The following ARHGAP35 variants were observed in gnomAD, a reference collection of about 807,000 sequenced individuals.
The protein encoded by ARHGAP35 is Rho GTPase activating protein 35.
In ARHGAP35, 15 loss-of-function variants were observed where a neutral mutation model predicts 111.1. The ratio of observed to expected loss-of-function variants is 0.13; its 90% CI spans 0.09 to 0.21. The LOEUF (loss-of-function observed/expected upper bound fraction) is 0.21, where lower values mean the gene tolerates loss of function less well. Ranked by LOEUF, ARHGAP35 falls within the 10% of genes least tolerant of loss-of-function variation. The pLI is 1.00. For missense variants in ARHGAP35, 1,262 were observed against 1,873.0 expected, an observed-to-expected ratio of 0.67 and a Z score of 6.02; for synonymous variants, 643 against 710.3, an observed-to-expected ratio of 0.91 and a Z score of 1.51.
At chr19:46,894,639 T>G (rs1258797702) in intron 1 of ARHGAP35, among the ~76,000 whole-genome samples, 4 of 151,986 alleles carry the variant, frequency 2.6e-5, no homozygotes, top group Admixed American at 2.0e-4. Flanking sequence ...GGAGATGGGA[T>G]TTCACCATGT....
Position 46,992,531 on chromosome 19 carries a change from C to G in ARHGAP35, c.4036+2856C>G, listed in dbSNP as rs2056684789. 6.6e-6 allele frequency among the ~76,000 whole-genome samples: 1 copy of G among 152,040 alleles called. No homozygotes were observed. Among genetic ancestry groups the G allele is most frequent in the Non-Finnish European group, 1.5e-5 (1 of 68,008 alleles). On this transcript the variant is annotated intron_variant, in intron 5 of 6. Coordinates refer to ENST00000672722, the MANE Select transcript of ARHGAP35 (RefSeq NM_004491.5). This position sits in a 1 kb window ranked among gnomAD's most constrained non-coding sequence, Gnocchi z 4.4. Reference sequence around the variant, plus strand: ...GAGTCGCTCTTGCCTGGTTTCTCCCCGTCTCTGTGACTCCCTCCTCCCTGC... The same window carrying G: ...GAGTCGCTCTTGCCTGGTTTCTCCCGGTCTCTGTGACTCCCTCCTCCCTGC...
At chr19:46,872,745 G>A (rs2055894416) in intron 1 of ARHGAP35, among the ~76,000 whole-genome samples, 1 of 152,030 alleles carries the variant, frequency 6.6e-6, no homozygotes, top group Non-Finnish European at 1.5e-5. Context: ...GCCGGGCATG[G>A]TGGCAGGCGC....
At chr19:46,869,818 A>G (rs558774044) in intron 1 of ARHGAP35, among the ~76,000 whole-genome samples, 1 of 152,194 alleles carries the variant, frequency 6.6e-6, no homozygotes, top group South Asian at 2.1e-4. Flanking sequence ...AGCGTACCTA[A>G]ATGATTGGTG....
intron 3 of ARHGAP35, 128 bp downstream of exon 3, chr19:46,937,536 G>C: frequency 5.7e-6 from 6 of 1,058,304 alleles, no homozygotes; most frequent in Non-Finnish European, 8.4e-6. Flanking sequence ...AGAAGGAGCT[G>C]AGCAGTCCCA....
chr19:46,881,186 C>T (rs891716635), intron 1 of ARHGAP35, among the ~76,000 whole-genome samples: 6 of 152,106 alleles, frequency 3.9e-5, no homozygotes, highest in African/African-American at 1.4e-4. Context: ...GTAATCCACC[C>T]ACCTCGGCCT....
At chr19:46,990,939 C>T (rs2056676208) in intron 5 of ARHGAP35, among the ~76,000 whole-genome samples, 1 of 152,192 alleles carries the variant, frequency 6.6e-6, no homozygotes, top group Admixed American at 6.5e-5. Flanking sequence ...TCCACACTCT[C>T]TTAGCTGACT....
chr19:46,887,187 G>A (rs2055996960), intron 1 of ARHGAP35, among the ~76,000 whole-genome samples: 1 of 152,074 alleles, frequency 6.6e-6, no homozygotes, highest in Non-Finnish European at 1.5e-5. Flanking sequence ...TACCTTCTCA[G>A]TGGGTTGGTG....
chr19:46,871,609 C>G (rs1465401469), intron 1 of ARHGAP35, among the ~76,000 whole-genome samples: 1 of 151,928 alleles, frequency 6.6e-6, no homozygotes, highest in Non-Finnish European at 1.5e-5. Flanking sequence ...TCCCAAAGTG[C>G]TGGGATTACA....
chr19:46,881,951 G>A (rs900909143), intron 1 of ARHGAP35, among the ~76,000 whole-genome samples: 6 of 152,038 alleles, frequency 3.9e-5, no homozygotes, highest in Admixed American at 3.9e-4. Flanking sequence ...TATGGAGGTG[G>A]CTACTTTCCT....
intron 1 of ARHGAP35, among the ~76,000 whole-genome samples, chr19:46,864,151 G>A (rs1452155846): frequency 6.6e-6 from 1 of 152,232 alleles, no homozygotes; most frequent in Admixed American, 6.5e-5. Flanking sequence ...TTAGAAAGGG[G>A]TGCCAGGAAC....
At chr19:46,962,196 G>A (rs572865017) in intron 3 of ARHGAP35, among the ~76,000 whole-genome samples, 1 of 152,120 alleles carries the variant, frequency 6.6e-6, no homozygotes, top group Non-Finnish European at 1.5e-5. Context: ...TTCAATAAGA[G>A]TTTGTTTTTT....
At chr19:46,930,627 A>G (rs1181123681) in intron 2 of ARHGAP35, among the ~76,000 whole-genome samples, 1 of 149,586 alleles carries the variant, frequency 6.7e-6, no homozygotes, top group Non-Finnish European at 1.5e-5. Context: ...AAATCTAGAT[A>G]AGTAACTTTA....
At chr19:46,941,876 TAAAAAAAAAAA>T (rs71179279) in intron 3 of ARHGAP35, among the ~76,000 whole-genome samples, 10 of 94,554 alleles carry the variant, frequency 1.1e-4, no homozygotes, top group African/African-American at 1.7e-4. Context: ...CCTGTCTCTT[TAAAAAAAAAAA>T]AAAAAAAAAA....
chr19:46,862,620 T>C (rs1180682646), intron 1 of ARHGAP35, among the ~76,000 whole-genome samples: 1 of 152,192 alleles, frequency 6.6e-6, no homozygotes, highest in Non-Finnish European at 1.5e-5. Context: ...CTTTATTTAG[T>C]GTTTCCCTCC....
chr19:46,905,531 G>A (rs996723472), intron 1 of ARHGAP35, among the ~76,000 whole-genome samples: 5 of 148,340 alleles, frequency 3.4e-5, no homozygotes, highest in African/African-American at 5.0e-5. Context: ...GCCTGCCACC[G>A]CGCCCAGCTA....
rs556617948 is a variant in ARHGAP35, at chr19:46,919,903, G to A, written c.1228G>A (p.Val410Ile). 13 of 1,613,980 alleles carry A rather than the reference G, an allele frequency of 8.1e-6. No homozygotes were observed. The highest frequency in any genetic ancestry group is 1.1e-5 in the South Asian group (1 of 91,082). ...GATTCCCTTTGATTTAATGGATACCGTCCCTGCAGAGCAGCTATACGAGGC... is the reference window on the plus strand; with the variant it reads ...GATTCCCTTTGATTTAATGGATACCATCCCTGCAGAGCAGCTATACGAGGC... The part of the protein sequence containing the change: ...ERIPFDLMDT[V>I]PAEQLYEAHL... The change falls in exon 2 of 7, where the codon GTC (valine) becomes ATC (isoleucine). Residue 410 changes from valine (V) to isoleucine (I), a missense_variant. Val to Ile is a conservative substitution (Grantham distance 29). Coordinates refer to ENST00000672722, the MANE Select transcript of ARHGAP35 (RefSeq NM_004491.5). This position sits in a 1 kb window ranked among gnomAD's most constrained non-coding sequence, Gnocchi z 6.2.
At chr19:46,900,254 C>CTTTTTTTTTTTTT in intron 1 of ARHGAP35, among the ~76,000 whole-genome samples, 1 of 141,174 alleles carries the variant, frequency 7.1e-6, no homozygotes, top group Non-Finnish European at 1.5e-5. Context: ...TGGAGTCTCA[C>CTTTTTTTTTTTTT]TCTGTCACCC....
intron 3 of ARHGAP35, chr19:46,947,937 G>A (rs892658546): frequency 3.3e-5 from 5 of 152,216 alleles, no homozygotes; most frequent in Admixed American, 1.3e-4. Flanking sequence ...TGGGTAGGGC[G>A]AGGTACAGGG....
intron 3 of ARHGAP35, among the ~76,000 whole-genome samples, chr19:46,965,450 G>T (rs1203782121): frequency 1.3e-5 from 2 of 150,346 alleles, no homozygotes; most frequent in African/African-American, 4.9e-5. Flanking sequence ...TTTTCTCTGG[G>T]TCTTTTTCTT....
Sources: allele counts gnomAD v4.1 joint callset (sites outside exome capture counted in the v4.1 genomes callset), GRCh38; gene constraint gnomAD v4.1.1; non-coding constraint Gnocchi (gnomAD v3.1); transcripts MANE v1.5; gene names NCBI Gene and HGNC (gene_info 2026-07-23, HGNC 2026-07-21).